AK3: variants seen among roughly 807,000 people sequenced by gnomAD.
AK3 encodes the protein GTP:AMP phosphotransferase AK3, mitochondrial.
A neutral mutation model predicts 23.7 loss-of-function variants in AK3; 27 were observed. The observed-to-expected ratio is 1.14, with a 90% CI of 0.84 to 1.57. The LOEUF (loss-of-function observed/expected upper bound fraction) is 1.57. AK3 is among the 40% of genes most tolerant of loss of function. The pLI, the probability that AK3 is intolerant of heterozygous loss-of-function variation, is 0.00. For synonymous variants in AK3, 159 were observed against 116.0 expected (o/e 1.37, Z -2.38); for missense variants, 406 against 285.6 (o/e 1.42, Z -3.04).
intron 1 of AK3, among the ~76,000 whole-genome samples, chr9:4,730,807 T>C (rs1394574791): frequency 6.6e-6 from 1 of 152,214 alleles, no homozygotes; most frequent in Non-Finnish European, 1.5e-5. Context: ...TGAGAAAGAA[T>C]TGTTATTTTT....
rs773431848 is a variant in AK3 at position 4,718,511 on chromosome 9, A to G, written c.471T>C (p.Pro157=). 3 of 1,613,770 alleles carry G rather than the reference A, an allele frequency of 1.9e-6. No homozygotes were observed. The highest frequency in any genetic ancestry group is 2.5e-6 in the Non-Finnish European group (3 of 1,179,772). The change falls in exon 4 of 5, where the codon CCT becomes CCC. Residue 157 remains proline (P), a synonymous_variant. Coordinates refer to ENST00000381809, the MANE Select transcript of AK3 (RefSeq NM_016282.4). ...GTTTATCATCCTCACGCTGAATGAG[A>G]GGCTCCCCAGTCAGGTCATCAATGC... ...TVGIDDLTGE[P]LIQREDDKPE...
At chr9:4,713,810 T>C (rs1403656984) in intron 4 of AK3, among the ~76,000 whole-genome samples, 1 of 142,906 alleles carries the variant, frequency 7.0e-6, no homozygotes, top group Non-Finnish European at 1.5e-5. Context: ...GAGATCAGAA[T>C]CCTGGGGGTG....
intron 4 of AK3, among the ~76,000 whole-genome samples, chr9:4,714,777 C>T (rs1369231154): frequency 6.6e-6 from 1 of 152,186 alleles, no homozygotes; most frequent in Non-Finnish European, 1.5e-5. Context: ...TAATGTCCCA[C>T]AGCTAAAAGG....
intron 3 of AK3, 95 bp downstream of exon 3, chr9:4,719,040 G>A: frequency 7.5e-7 from 1 of 1,341,602 alleles, no homozygotes. Context: ...AGGAGTTTTG[G>A]TCAGAGGATT....
At chr9:4,733,913 T>C (rs992807664) in intron 1 of AK3, among the ~76,000 whole-genome samples, 1 of 152,142 alleles carries the variant, frequency 6.6e-6, no homozygotes, top group African/African-American at 2.4e-5. Context: ...CTCAACCTCC[T>C]AGGGAACTGG....
chr9:4,711,577 A>G lies in AK3; in HGVS notation c.*1399T>C, dbSNP rs1841563125. 6.6e-6 allele frequency: 1 copy of G among 152,470 alleles called. No homozygotes were observed. Among genetic ancestry groups the G allele is most frequent in the Non-Finnish European group, 1.5e-5 (1 of 68,038 alleles). 9.4% of individuals were successfully genotyped at this position (152,470 alleles called of 1,614,324 possible). A position where few individuals can be genotyped will look rare whatever the true frequency, so the allele number is the denominator to read the frequency against. ...CTTGTATTTTAAGTACCTGGGAAAA[A>G]AACGGAACAGATTTTTAAAGGCAAT... On this transcript the variant is annotated 3_prime_UTR_variant, in exon 5 of 5. Coordinates refer to ENST00000381809, the MANE Select transcript of AK3 (RefSeq NM_016282.4).
At chr9:4,728,552 C>G (rs944709372) in intron 1 of AK3, among the ~76,000 whole-genome samples, 1 of 152,104 alleles carries the variant, frequency 6.6e-6, no homozygotes, top group African/African-American at 2.4e-5. Flanking sequence ...GCCTGGGCAA[C>G]AGAGTGAAAC....
Position 4,741,192 on chromosome 9 carries a change from A to G in AK3, c.-105T>C. 1 of 1,233,608 alleles carries G rather than the reference A, an allele frequency of 8.1e-7. No homozygotes were observed. Among genetic ancestry groups the G allele is most frequent in the Non-Finnish European group, 1.0e-6 (1 of 958,482 alleles). 76.4% of individuals were successfully genotyped at this position (1,233,608 alleles called of 1,614,324 possible). On this transcript the variant is annotated 5_prime_UTR_variant, in exon 1 of 5. Transcript: ENST00000381809. ...CCGGCCGGCTAGCAGCGCCACTAGC[A>G]GGCGGCTACTGCGGTTCCCCGGCGT...
intron 4 of AK3, among the ~76,000 whole-genome samples, chr9:4,713,901 TACGCC>T (rs1841629744): frequency 3.6e-3 from 2 of 548 alleles, no homozygotes; most frequent in Admixed American, 0.024. Flanking sequence ...TGCGTACACC[TACGCC>T]TACACATATA....
chr9:4,741,281 C>T (rs2130923719), upstream of AK3: 2 of 491,390 alleles, frequency 4.1e-6, no homozygotes, highest in Non-Finnish European at 6.5e-6. Context: ...CTGTTGCGTC[C>T]GCCTCTCGGC....
chr9:4,736,406 T>C (rs987071943), intron 1 of AK3, among the ~76,000 whole-genome samples: 6 of 150,972 alleles, frequency 4.0e-5, no homozygotes, highest in Non-Finnish European at 8.8e-5. Flanking sequence ...CTTGGAAGAA[T>C]CTTTTCATGA....
intron 1 of AK3, among the ~76,000 whole-genome samples, chr9:4,730,820 C>A (rs1435137373): frequency 3.3e-5 from 5 of 151,898 alleles, no homozygotes; most frequent in Non-Finnish European, 7.4e-5. Flanking sequence ...TTATTTTTCT[C>A]TTTTGTTTTA....
chr9:4,733,055 C>A (rs993701084), intron 1 of AK3, among the ~76,000 whole-genome samples: 3 of 151,878 alleles, frequency 2.0e-5, no homozygotes, highest in Admixed American at 6.6e-5. Context: ...CACTATGTTG[C>A]CCAGGCTGGT....
intron 4 of AK3, among the ~76,000 whole-genome samples, chr9:4,716,691 G>C (rs1841744461): frequency 6.6e-6 from 1 of 152,208 alleles, no homozygotes; most frequent in Non-Finnish European, 1.5e-5. Flanking sequence ...AATGTTTTGG[G>C]AGGCCGAGGC....
rs553479517 is a variant in AK3, at chr9:4,727,414, A to C, written c.152-4789T>G. ...CTGGATACCTTGCTGCAGCTTCTAC[A>C]TCAGCACTTGCACTTTCCTGTTATA... On this transcript the variant is annotated intron_variant, in intron 1 of 4. Transcript: ENST00000381809. Among the ~76,000 whole-genome samples the C allele has an allele frequency of 2.0e-5, 3 of 152,324 alleles. No homozygotes were observed. In the South Asian group the frequency reaches 6.2e-4, roughly 32 times the overall value.
In AK3 at chr9:4,714,429, T is replaced by G. The variant is rs78316705; in HGVS notation, c.564-1333A>C. Reference sequence around the variant, plus strand: ...TAAATAACACCCACTGTTTTCTCGGTAAGAAACATCTGCTAAGGAAGGAAA... The same window carrying G: ...TAAATAACACCCACTGTTTTCTCGGGAAGAAACATCTGCTAAGGAAGGAAA... On this transcript the variant is annotated intron_variant, in intron 4 of 4. Coordinates refer to ENST00000381809, the MANE Select transcript of AK3 (RefSeq NM_016282.4). Among the ~76,000 whole-genome samples the G allele has an allele frequency of 4.7e-3, 722 of 152,352 alleles. 12 individuals carry two copies. The highest frequency in any genetic ancestry group is 0.016 in the African/African-American group (685 of 41,580).
rs56138652 is a variant in AK3 at position 4,736,708 on chromosome 9, G to T, written c.151+4229C>A. ...TGTCTCCTTTTTTTTTTTGAGACAG[G>T]GTCTCACTCTGTCACTGTGAGTACT... On this transcript the variant is annotated intron_variant, in intron 1 of 4. Transcript: ENST00000381809. 3.1e-3 allele frequency among the ~76,000 whole-genome samples: 464 copies of T among 151,626 alleles called. 2 individuals are homozygous for T. The highest frequency in any genetic ancestry group is 0.011 in the African/African-American group (442 of 41,276).
At chr9:4,726,269 T>C (rs439835) in intron 1 of AK3, among the ~76,000 whole-genome samples, 128,214 of 152,074 alleles carry the variant, frequency 0.84, 54,528 homozygotes, top group East Asian at 0.94. Flanking sequence ...GTAAAGTCTG[T>C]CTCATCAACT....
intron 1 of AK3, among the ~76,000 whole-genome samples, chr9:4,736,249 A>G (rs918815573): frequency 1.3e-5 from 2 of 152,092 alleles, no homozygotes; most frequent in African/African-American, 2.4e-5. Flanking sequence ...AAGCTATTAG[A>G]AAAAAATGAA....
Sources: allele counts gnomAD v4.1 joint callset (sites outside exome capture counted in the v4.1 genomes callset), GRCh38; gene constraint gnomAD v4.1.1; transcripts MANE v1.5; gene names NCBI Gene and HGNC (gene_info 2026-07-23, HGNC 2026-07-21).